The following SLC67A2 variants were observed in gnomAD, a reference collection of about 807,000 sequenced individuals.
SLC67A2 encodes solute carrier family 67 member 2.
the SLC67A2 span, among the ~76,000 whole-genome samples, chr2:102,732,666 A>C: frequency 1.2e-4 from 18 of 152,144 alleles, no homozygotes; most frequent in African/African-American, 3.6e-4. Context: ...CAGACAAAAA[A>C]CCCCATATTT....
At chr2:102,726,473 C>A in the SLC67A2 span, among the ~76,000 whole-genome samples, 1 of 152,146 alleles carries the variant, frequency 6.6e-6, no homozygotes, top group Admixed American at 6.6e-5. Flanking sequence ...CTGGCCCATG[C>A]TAAATGTTCA....
chr2:102,723,150 A>T, the SLC67A2 span, among the ~76,000 whole-genome samples: 1 of 152,250 alleles, frequency 6.6e-6, no homozygotes, highest in Non-Finnish European at 1.5e-5. Context: ...TTTTTAAAAG[A>T]TAAGTGTTAA....
the SLC67A2 span, among the ~76,000 whole-genome samples, chr2:102,733,953 T>C: frequency 1.3e-5 from 2 of 152,204 alleles, no homozygotes; most frequent in Non-Finnish European, 2.9e-5. Flanking sequence ...CCAAGGAGAC[T>C]GGCCACTGAA....
the SLC67A2 span, among the ~76,000 whole-genome samples, chr2:102,735,693 ATTC>A: frequency 6.6e-6 from 1 of 152,228 alleles, no homozygotes; most frequent in Admixed American, 6.5e-5. Context: ...GTAAGACTGA[ATTC>A]TTCTGTGGCA....
At chr2:102,731,399 TAG>T in the SLC67A2 span, among the ~76,000 whole-genome samples, 2 of 152,172 alleles carry the variant, frequency 1.3e-5, no homozygotes, top group African/African-American at 4.8e-5. Flanking sequence ...TGAAACAGCA[TAG>T]AGAGTACTCA....
chr2:102,728,369 C>T, the SLC67A2 span, among the ~76,000 whole-genome samples: 1 of 152,122 alleles, frequency 6.6e-6, no homozygotes, highest in African/African-American at 2.4e-5. Flanking sequence ...TCTCCACTAA[C>T]CATGGAAGGA....
At chr2:102,723,580 T>G in the SLC67A2 span, 1 of 1,003,988 alleles carries the variant, frequency 1.0e-6, no homozygotes. Flanking sequence ...AAATGACTTT[T>G]GTTTTTGGAC....
the SLC67A2 span, chr2:102,731,127 A>T: frequency 7.0e-7 from 1 of 1,421,074 alleles, no homozygotes; most frequent in Non-Finnish European, 9.9e-7. Context: ...AAATGGATTA[A>T]TGTGATAACA....
At chr2:102,719,632 GCTT>G in the SLC67A2 span, among the ~76,000 whole-genome samples, 25 of 152,310 alleles carry the variant, frequency 1.6e-4, no homozygotes, top group South Asian at 8.3e-4. Context: ...TTCATGGAGT[GCTT>G]CTTAAGTGCT....
chr2:102,718,755 G>T, the SLC67A2 span: 1 of 1,613,838 alleles, frequency 6.2e-7, no homozygotes, highest in South Asian at 1.1e-5. Context: ...AGCAGCAGCA[G>T]TGTGCAGGTG....
the SLC67A2 span, among the ~76,000 whole-genome samples, chr2:102,725,003 T>C: frequency 1.9e-3 from 291 of 152,356 alleles, no homozygotes; most frequent in African/African-American, 6.8e-3. Flanking sequence ...TTTGAAATTG[T>C]ATTGATGTCA....
the SLC67A2 span, chr2:102,718,518 TG>T: frequency 1.9e-5 from 30 of 1,613,074 alleles, no homozygotes; most frequent in Middle Eastern, 1.6e-4. Flanking sequence ...GCGCCCAGGC[TG>T]GGGGGGCCGC....
the SLC67A2 span, among the ~76,000 whole-genome samples, chr2:102,723,489 GAA>G: frequency 2.0e-5 from 3 of 151,904 alleles, no homozygotes; most frequent in African/African-American, 7.3e-5. Context: ...AAAAAAAATA[GAA>G]AAGAGAACTC....
chr2:102,729,002 T>G, the SLC67A2 span, among the ~76,000 whole-genome samples: 1 of 152,210 alleles, frequency 6.6e-6, no homozygotes, highest in Non-Finnish European at 1.5e-5. Flanking sequence ...ATACATTTAT[T>G]TAAAAACATT....
the SLC67A2 span, chr2:102,736,683 C>A: frequency 3.7e-6 from 6 of 1,613,574 alleles, no homozygotes; most frequent in Non-Finnish European, 5.1e-6. Context: ...CAGGAAGCGG[C>A]GGGCTCCGAC....
the SLC67A2 span, among the ~76,000 whole-genome samples, chr2:102,722,678 C>A: frequency 6.6e-6 from 1 of 151,930 alleles, no homozygotes; most frequent in African/African-American, 2.4e-5. Flanking sequence ...AGACCTGAAA[C>A]TGTAAAAGAA....
chr2:102,731,533 T>G, the SLC67A2 span, among the ~76,000 whole-genome samples: 1 of 152,208 alleles, frequency 6.6e-6, no homozygotes, highest in Non-Finnish European at 1.5e-5. Context: ...AATTTATATT[T>G]TTTTTACAGA....
At chr2:102,719,065 G>T in the SLC67A2 span, 1 of 1,614,214 alleles carries the variant, frequency 6.2e-7, no homozygotes, top group Non-Finnish European at 8.5e-7. Flanking sequence ...CAGTCTTCTT[G>T]CTGGCCCTGG....
the SLC67A2 span, among the ~76,000 whole-genome samples, chr2:102,733,127 C>T: frequency 6.6e-6 from 1 of 152,120 alleles, no homozygotes; most frequent in African/African-American, 2.4e-5. Flanking sequence ...ATGTCTTCTC[C>T]CTTCTTCAGT....
Sources: allele counts gnomAD v4.1 joint callset (sites outside exome capture counted in the v4.1 genomes callset), GRCh38; gene constraint gnomAD v4.1.1; transcripts MANE v1.5; gene names NCBI Gene and HGNC (gene_info 2026-07-23, HGNC 2026-07-21).